The following PCDHA7 variants were observed in gnomAD, a reference collection of about 807,000 sequenced individuals.
PCDHA7 encodes the protein protocadherin alpha 7.
PCDHA7 carries 37 observed loss-of-function variants against 57.2 expected under a neutral mutation model. The ratio of observed to expected loss-of-function variants is 0.65; its 90% CI spans 0.50 to 0.85. PCDHA7 has a LOEUF of 0.85. Among genes scored for constraint, PCDHA7 ranks in the 40% least tolerant of loss-of-function variants. PCDHA7 has a pLI of 0.00. For synonymous variants in PCDHA7, 553 were observed against 558.8 expected (o/e 0.99, Z 0.15); for missense variants, 1,188 against 1,241.8 (o/e 0.96, Z 0.65).
chr5:140,944,095 A>AT (rs2093609322), intron 1 of PCDHA7, among the ~76,000 whole-genome samples: 1 of 152,250 alleles, frequency 6.6e-6, no homozygotes. Context: ...GAGTAAGTTT[A>AT]TATCTCATGG....
At chr5:140,884,511 G>T (rs1202323930) in intron 1 of PCDHA7, 6 of 1,614,074 alleles carry the variant, frequency 3.7e-6, no homozygotes, top group African/African-American at 1.3e-5. Context: ...GCAGGGAGTT[G>T]GTCGTACTCG....
intron 1 of PCDHA7, among the ~76,000 whole-genome samples, chr5:140,899,694 T>G (rs961067519): frequency 2.0e-5 from 3 of 152,236 alleles, no homozygotes; most frequent in African/African-American, 4.8e-5. Flanking sequence ...GCTGGCCTCA[T>G]AAAATGAGTT....
In PCDHA7 at chr5:140,836,149, A is replaced by C. The variant is rs1463857547; in HGVS notation, c.1766A>C (p.His589Pro). Residue 589 changes from histidine (H) to proline (P), a missense_variant, in exon 1 of 4, where the codon CAT becomes CCT. This residue lies in a region of PCDHA7 where 892 missense variants were observed against 788.5 expected (regional missense o/e 1.13). Coordinates refer to ENST00000525929, the MANE Select transcript of PCDHA7 (RefSeq NM_018910.3). Reference sequence around the variant, plus strand: ...GTGCCGCGGTCTGTGGGCGCGGGCCATGTGGTGGCGAAGGTACGTGCAGTT... The same window carrying C: ...GTGCCGCGGTCTGTGGGCGCGGGCCCTGTGGTGGCGAAGGTACGTGCAGTT... ...ELVPRSVGAG[H>P]VVAKVRAVDA... The C allele has an allele frequency of 1.2e-6, 2 of 1,613,636 alleles. No homozygotes were observed. The highest frequency in any genetic ancestry group is 1.7e-6 in the Non-Finnish European group (2 of 1,179,796).
chr5:141,004,037 G>A (rs946974688), intron 3 of PCDHA7, among the ~76,000 whole-genome samples: 1 of 152,200 alleles, frequency 6.6e-6, no homozygotes, highest in African/African-American at 2.4e-5. Flanking sequence ...TTCCTTGATT[G>A]ATCATTTGCT....
rs782723934 is a variant in PCDHA7, at chr5:140,857,452, G to A, written c.2355+20714G>A. The A allele has an allele frequency of 4.4e-6, 7 of 1,598,446 alleles. 1 individual carries two copies. The highest frequency in any genetic ancestry group is 4.3e-6 in the Non-Finnish European group (5 of 1,167,904). ...CGGTGTTCGTGAAGGAGAACAACCC[G>A]CCAGGCTGCCACATCTTCACGGTGT... On this transcript the variant is annotated intron_variant, in intron 1 of 3. Coordinates refer to ENST00000525929, the MANE Select transcript of PCDHA7 (RefSeq NM_018910.3).
intron 3 of PCDHA7, among the ~76,000 whole-genome samples, chr5:141,001,157 A>T (rs1554258022): frequency 6.6e-6 from 1 of 152,136 alleles, no homozygotes; most frequent in African/African-American, 2.4e-5. Flanking sequence ...TGATCTTAAT[A>T]AGTAAAATTT....
intron 1 of PCDHA7, among the ~76,000 whole-genome samples, chr5:140,845,875 A>C: frequency 6.7e-6 from 1 of 149,840 alleles, no homozygotes; most frequent in East Asian, 1.9e-4. Context: ...AAGGCAACCT[A>C]AAATGTCAGA....
intron 1 of PCDHA7, among the ~76,000 whole-genome samples, chr5:140,846,785 T>C (rs1780675366): frequency 6.7e-6 from 1 of 149,494 alleles, no homozygotes; most frequent in South Asian, 2.1e-4. Flanking sequence ...GAATTATTAC[T>C]GAGCCCCAGC....
At chr5:140,953,545 C>A (rs551898012) in intron 1 of PCDHA7, among the ~76,000 whole-genome samples, 1 of 152,204 alleles carries the variant, frequency 6.6e-6, no homozygotes, top group Admixed American at 6.5e-5. Context: ...CATGCTGATT[C>A]TTTTCTCCAA....
intron 1 of PCDHA7, among the ~76,000 whole-genome samples, chr5:140,900,537 A>G (rs2068113323): frequency 6.6e-6 from 1 of 152,204 alleles, no homozygotes; most frequent in African/African-American, 2.4e-5. Context: ...TCGGCTTTCC[A>G]AAGTGCTGGG....
chr5:140,850,003 C>G (rs782017581), intron 1 of PCDHA7: 1 of 1,596,910 alleles, frequency 6.3e-7, no homozygotes, highest in African/African-American at 1.3e-5. Context: ...GGCGAGCGCT[C>G]GCTGTCGAGC....
intron 1 of PCDHA7, among the ~76,000 whole-genome samples, chr5:140,973,634 C>T (rs2096596343): frequency 6.6e-6 from 1 of 152,220 alleles, no homozygotes; most frequent in African/African-American, 2.4e-5. Flanking sequence ...ATCTTGTACA[C>T]ATTCTGACTG....
chr5:140,875,497 C>T, intron 1 of PCDHA7: 1 of 1,613,256 alleles, frequency 6.2e-7, no homozygotes, highest in Non-Finnish European at 8.5e-7. Flanking sequence ...ACCAAGAGGC[C>T]CGGGATCCCA....
At chr5:140,857,736 C>T in intron 1 of PCDHA7, 2 of 1,597,364 alleles carry the variant, frequency 1.3e-6, no homozygotes, top group African/African-American at 1.3e-5. Flanking sequence ...AACGCTCCCG[C>T]GCTGCTGGCG....
chr5:140,842,491 G>GC, intron 1 of PCDHA7: 1 of 1,613,896 alleles, frequency 6.2e-7, no homozygotes, highest in African/African-American at 1.3e-5. Flanking sequence ...GCTCCCTGAT[G>GC]CCCCATGTCC....
Position 141,006,215 on chromosome 5 carries a change from T to A in PCDHA7, c.2504-3412T>A, listed in dbSNP as rs530559800. Among the ~76,000 whole-genome samples, 194 of 151,754 alleles carry A rather than the reference T, an allele frequency of 1.3e-3. 2 individuals carry two copies. The highest frequency in any genetic ancestry group is 4.2e-3 in the African/African-American group (174 of 41,396). ...ATGTATGTTATGCCTCATTTTTTTT[T>A]AAATTTTTTATTTTTAGATGGAGTC... On this transcript the variant is annotated intron_variant, in intron 3 of 3. Coordinates refer to ENST00000525929, the MANE Select transcript of PCDHA7 (RefSeq NM_018910.3).
chr5:140,838,539 A>G (rs1185872182), intron 1 of PCDHA7, among the ~76,000 whole-genome samples: 1 of 151,946 alleles, frequency 6.6e-6, no homozygotes, highest in Admixed American at 6.6e-5. Context: ...TTATGGATAT[A>G]TCATGATTTA....
chr5:140,855,356 T>C (rs892931539), intron 1 of PCDHA7, among the ~76,000 whole-genome samples: 1 of 149,998 alleles, frequency 6.7e-6, no homozygotes, highest in African/African-American at 2.4e-5. Context: ...GTCATGTGGC[T>C]AGTGAGTAGG....
At chr5:140,920,835 C>T (rs1253933771) in intron 1 of PCDHA7, among the ~76,000 whole-genome samples, 1 of 141,740 alleles carries the variant, frequency 7.1e-6, no homozygotes, top group Non-Finnish European at 1.5e-5. Flanking sequence ...GGAGCAAGAC[C>T]AAATCTAAAA....
Sources: gnomAD v4.1 joint callset for allele counts (sites outside exome capture counted in the v4.1 genomes callset) on GRCh38, gnomAD v4.1.1 for gene constraint, gnomAD v4.1.1 regional missense constraint, MANE v1.5 for transcripts, NCBI Gene and HGNC (gene_info 2026-07-23, HGNC 2026-07-21) for gene names.